The following PLEKHH2 variants were observed in gnomAD, a reference collection of about 807,000 sequenced individuals.
The protein encoded by PLEKHH2 is pleckstrin homology, MyTH4 and FERM domain containing H2, also known as pleckstrin homology domain-containing family H member 2.
Under a neutral mutation model 187.9 loss-of-function variants are expected in PLEKHH2, and 129 were observed. The observed-to-expected ratio is 0.69, with a 90% CI of 0.59 to 0.79. The LOEUF is 0.79. PLEKHH2 is among the 30% of genes least tolerant of loss of function. The pLI is 0.00. For synonymous variants in PLEKHH2, 686 were observed against 605.6 expected, an observed-to-expected ratio of 1.13 and a Z score of -1.95; for missense variants, 2,076 against 1,751.2, an observed-to-expected ratio of 1.19 and a Z score of -3.31.
At chr2:43,735,306 T>C (rs1382946501) in intron 19 of PLEKHH2, among the ~76,000 whole-genome samples, 3 of 152,082 alleles carry the variant, frequency 2.0e-5, no homozygotes, top group Admixed American at 1.3e-4. Flanking sequence ...TTATATTAAG[T>C]AAAATAAGCC....
At chr2:43,678,971 C>A in intron 3 of PLEKHH2, 46 bp downstream of exon 3, 3 of 1,301,474 alleles carry the variant, frequency 2.3e-6, no homozygotes, top group Non-Finnish European at 2.2e-6. Context: ...GTACTACTCA[C>A]ATAAAGATTG....
At chr2:43,701,803 T>C (rs2104490874) in intron 8 of PLEKHH2, among the ~76,000 whole-genome samples, 1 of 151,510 alleles carries the variant, frequency 6.6e-6, no homozygotes, top group African/African-American at 2.4e-5. Context: ...GTTTCACTCT[T>C]GTCTCCCGGG....
In PLEKHH2 at chr2:43,765,529, A is replaced by T. The variant is rs755581027; in HGVS notation, c.4413A>T (p.Gln1471His). 6.2e-7 allele frequency: 1 copy of T among 1,613,922 alleles called. No individual in the cohort carries two copies. The highest frequency in any genetic ancestry group is 1.1e-5 in the South Asian group (1 of 91,060). Residue 1471 changes from glutamine (Q) to histidine (H), a missense_variant, in exon 30 of 30, where the codon CAA becomes CAT. Gln to His is a conservative substitution (Grantham distance 24, BLOSUM62 0). Coordinates refer to ENST00000282406, the MANE Select transcript of PLEKHH2 (RefSeq NM_172069.4). ...ALLSAQTRGP[Q>H]ARMMGSQPLL... Reference sequence around the variant, plus strand: ...TCTCAGCCCAGACCCGGGGACCCCAAGCCAGAATGATGGGAAGCCAGCCTC... The same window carrying T: ...TCTCAGCCCAGACCCGGGGACCCCATGCCAGAATGATGGGAAGCCAGCCTC...
rs571955492 is a variant in PLEKHH2 at position 43,691,100 on chromosome 2, ACACT to A, written c.187-1411_187-1408del. On this transcript the variant is annotated intron_variant, in intron 3 of 29. Coordinates refer to ENST00000282406, the MANE Select transcript of PLEKHH2 (RefSeq NM_172069.4). ...GCAGCACCACTCAACCTCCAGCCAC[ACACT>A]CAGTCTCTTTTACCCTGTTCTGTTT... 2.5e-3 allele frequency among the ~76,000 whole-genome samples: 383 copies of A among 152,320 alleles called. 2 individuals carry two copies. Among genetic ancestry groups the A allele is most frequent in the Admixed American group, 6.2e-3 (95 of 15,298 alleles).
intron 25 of PLEKHH2, among the ~76,000 whole-genome samples, chr2:43,754,747 C>T (rs1182412997): frequency 6.6e-6 from 1 of 152,168 alleles, no homozygotes; most frequent in African/African-American, 2.4e-5. Context: ...TATGGCTCTT[C>T]ACGCTACACT....
chr2:43,707,794 T>G lies in PLEKHH2; in HGVS notation c.1966+249T>G, dbSNP rs185511231. Reference sequence around the variant, plus strand: ...GTCTGTGAGAGGGAGATCACTTTATTGTTGGAATGAAGTGAGATAATTGGC... The same window carrying G: ...GTCTGTGAGAGGGAGATCACTTTATGGTTGGAATGAAGTGAGATAATTGGC... On this transcript the variant is annotated intron_variant, in intron 11 of 29. Coordinates refer to ENST00000282406, the MANE Select transcript of PLEKHH2 (RefSeq NM_172069.4). Among the ~76,000 whole-genome samples the G allele has an allele frequency of 3.1e-3, 473 of 152,284 alleles. 2 individuals are homozygous for G. The highest frequency in any genetic ancestry group is 0.018 in the South Asian group (88 of 4,820).
Position 43,757,232 on chromosome 2 carries a change from G to T in PLEKHH2, c.3909G>T (p.Arg1303Ser). Residue 1303 changes from arginine (R) to serine (S), a missense_variant, in exon 26 of 30, where the codon AGG (arginine) becomes AGT (serine). Coordinates refer to ENST00000282406, the MANE Select transcript of PLEKHH2 (RefSeq NM_172069.4). ...TCATAGAGAAATTTTATCCTAAAAGGTATAGAGATGGCTGTTCTGAAGAGC... is the reference window on the plus strand; with the variant it reads ...TCATAGAGAAATTTTATCCTAAAAGTTATAGAGATGGCTGTTCTGAAGAGC... ...KQVIEKFYPK[R>S]YRDGCSEEQL... 6.3e-7 allele frequency: 1 copy of T among 1,594,432 alleles called. No individual in the cohort carries two copies. The highest frequency in any genetic ancestry group is 8.5e-7 in the Non-Finnish European group (1 of 1,172,166).
chr2:43,765,271 T>C, intron 29 of PLEKHH2, 142 bp from the exon 30 acceptor site: 1 of 711,108 alleles, frequency 1.4e-6, no homozygotes, highest in Non-Finnish European at 2.3e-6. Context: ...ATGTAAGCAC[T>C]TCATTGTTTG....
chr2:43,731,431 T>C (rs529386938), intron 18 of PLEKHH2, 59 bp from the exon 19 acceptor site: 1 of 1,133,106 alleles, frequency 8.8e-7, no homozygotes, highest in Non-Finnish European at 1.3e-6. Context: ...ATTAATTTAA[T>C]AAGAGGCCAC....
chr2:43,726,544 G>T, intron 17 of PLEKHH2, 93 bp downstream of exon 17: 2 of 1,247,202 alleles, frequency 1.6e-6, no homozygotes, highest in Admixed American at 2.6e-5. Flanking sequence ...ATGGAAATAA[G>T]GAAGAAAATT....
chr2:43,691,145 T>C (rs1381164819), intron 3 of PLEKHH2, among the ~76,000 whole-genome samples: 1 of 152,218 alleles, frequency 6.6e-6, no homozygotes, highest in Non-Finnish European at 1.5e-5. Context: ...CCATTACCCT[T>C]ATTGATGCAG....
chr2:43,677,047 T>C (rs1216810074), intron 2 of PLEKHH2, among the ~76,000 whole-genome samples: 1 of 152,230 alleles, frequency 6.6e-6, no homozygotes, highest in Non-Finnish European at 1.5e-5. Flanking sequence ...TGATGAATAC[T>C]CTTGAGGTAT....
At position 43,765,919 on chromosome 2, in the gene PLEKHH2, CT is replaced by C; in HGVS notation, c.*326del. ...TTTTCTTTTCTTTTCTTTTTTTCCC[CT>C]TTTTAATATTCTGGCAATCTTTAGA... On this transcript the variant is annotated 3_prime_UTR_variant, in exon 30 of 30. Coordinates refer to ENST00000282406, the MANE Select transcript of PLEKHH2 (RefSeq NM_172069.4). 4.4e-6 allele frequency: 1 copy of C among 225,932 alleles called. No homozygotes were observed. Among genetic ancestry groups the C allele is most frequent in the Non-Finnish European group, 8.6e-6 (1 of 116,874 alleles). 14.0% of individuals were successfully genotyped at this position (225,932 alleles called of 1,614,324 possible).
chr2:43,750,693 C>T (rs1276667511), intron 24 of PLEKHH2, among the ~76,000 whole-genome samples: 1 of 152,112 alleles, frequency 6.6e-6, no homozygotes, highest in Non-Finnish European at 1.5e-5. Context: ...GTAACTGAAG[C>T]TTTAGAGAGT....
chr2:43,677,750 G>A (rs1036777549), intron 2 of PLEKHH2, among the ~76,000 whole-genome samples: 2 of 151,336 alleles, frequency 1.3e-5, no homozygotes, highest in African/African-American at 4.9e-5. Flanking sequence ...GGGCAGAGGG[G>A]CTCCTCACTT....
chr2:43,720,521 C>G, intron 15 of PLEKHH2, 148 bp from the exon 16 acceptor site: 1 of 1,286,506 alleles, frequency 7.8e-7, no homozygotes, highest in South Asian at 1.5e-5. Context: ...ACAGGTACAT[C>G]TTAAACAGCA....
chr2:43,671,160 T>C (rs1667480295), intron 2 of PLEKHH2, among the ~76,000 whole-genome samples: 1 of 151,988 alleles, frequency 6.6e-6, no homozygotes, highest in Admixed American at 6.6e-5. Flanking sequence ...CTATTTTTTG[T>C]ATTTTTAGTA....
chr2:43,683,954 C>G (rs1264756316), intron 3 of PLEKHH2, among the ~76,000 whole-genome samples: 1 of 152,172 alleles, frequency 6.6e-6, no homozygotes, highest in Non-Finnish European at 1.5e-5. Flanking sequence ...CCTCTCCCCT[C>G]CAACACACAT....
chr2:43,699,788 A>G lies in PLEKHH2; in HGVS notation c.830A>G (p.Gln277Arg), dbSNP rs765657731. The stretch of plus-strand genomic sequence containing the variant: ...TTTGCCACAGATGGTGGCATCTCCC[A>G]GAATTCTGGGGCTCCTGTGAGTGAC... The part of the protein sequence containing the change: ...TSFATDGGIS[Q>R]NSGAPVSDWS... Residue 277 changes from glutamine (Q) to arginine (R), a missense_variant, in exon 8 of 30, where the codon CAG becomes CGG. By Grantham distance (43) the Gln-to-Arg change is conservative. Coordinates refer to ENST00000282406, the MANE Select transcript of PLEKHH2 (RefSeq NM_172069.4). 1 of 1,614,142 alleles carries G rather than the reference A, an allele frequency of 6.2e-7. No individual in the cohort carries two copies. The highest frequency in any genetic ancestry group is 1.1e-5 in the South Asian group (1 of 91,082).
Sources: gnomAD v4.1 joint callset for allele counts (sites outside exome capture counted in the v4.1 genomes callset) on GRCh38, gnomAD v4.1.1 for gene constraint, MANE v1.5 for transcripts, NCBI Gene and HGNC (gene_info 2026-07-23, HGNC 2026-07-21) for gene names.